MYO9A: variants seen among roughly 807,000 people sequenced by gnomAD.
MYO9A encodes myosin IXA.
In MYO9A, 103 loss-of-function variants were observed where a neutral mutation model predicts 293.3. The ratio of observed to expected loss-of-function variants is 0.35; its 90% CI spans 0.30 to 0.41. The LOEUF (loss-of-function observed/expected upper bound fraction) is 0.41. Among genes scored for constraint, MYO9A ranks in the 10% least tolerant of loss-of-function variants. The pLI, the probability that MYO9A is intolerant of heterozygous loss-of-function variation, is 1.00. For missense variants in MYO9A, 2,685 were observed against 3,033.0 expected (o/e 0.89, Z 2.69); for synonymous variants, 1,001 against 1,035.7 (o/e 0.97, Z 0.64).
intron 15 of MYO9A, among the ~76,000 whole-genome samples, chr15:71,944,707 T>C (rs1405557109): frequency 2.0e-5 from 3 of 152,184 alleles, no homozygotes; most frequent in Non-Finnish European, 4.4e-5. Context: ...CATTAATCCA[T>C]TGATCCTTAA....
intron 27 of MYO9A, among the ~76,000 whole-genome samples, chr15:71,884,022 T>A (rs781220583): frequency 2.0e-5 from 3 of 152,062 alleles, no homozygotes; most frequent in Non-Finnish European, 1.5e-5. Context: ...TTTTCTAAGA[T>A]GAAACAGCCA....
chr15:72,027,628 T>G, intron 4 of MYO9A, 103 bp downstream of exon 4: 1 of 865,412 alleles, frequency 1.2e-6, no homozygotes. Flanking sequence ...AAGCTATGCA[T>G]GACGTAAACT....
chr15:72,003,301 G>C (rs1489138819), intron 8 of MYO9A, among the ~76,000 whole-genome samples: 2 of 145,376 alleles, frequency 1.4e-5, no homozygotes, highest in African/African-American at 5.1e-5. Context: ...AAAAATAAAA[G>C]ACAAATCTCA....
chr15:71,867,201 A>C (rs1412299296), intron 32 of MYO9A, among the ~76,000 whole-genome samples: 1 of 152,190 alleles, frequency 6.6e-6, no homozygotes, highest in Non-Finnish European at 1.5e-5. Flanking sequence ...GTAGCCATTG[A>C]TAAGAGGCAA....
intron 4 of MYO9A, among the ~76,000 whole-genome samples, chr15:72,024,457 A>G (rs2077601871): frequency 6.6e-6 from 1 of 152,008 alleles, no homozygotes; most frequent in African/African-American, 2.4e-5. Context: ...ATTTTTGTAG[A>G]GATAAGGTTT....
rs771927864 is a variant in MYO9A, at chr15:71,826,715, A to ATTCT, written c.7508_7511dup (p.Asn2504LysfsTer42). 6.2e-7 allele frequency: 1 copy of ATTCT among 1,614,100 alleles called. No homozygotes were observed. Among genetic ancestry groups the ATTCT allele is most frequent in the East Asian group, 2.2e-5 (1 of 44,874 alleles). ...TGGTTTTCTGAGGTGAGTTTTTCAC[A>ATTCT]TTCTTTAATTTTTGTTTGCCCTTTT... On this transcript the variant is annotated frameshift_variant, in exon 42 of 42. Transcript: ENST00000356056. LOFTEE classifies it high-confidence loss of function.
At position 71,935,650 on chromosome 15, in the gene MYO9A, C is replaced by A. The variant is rs539207090; in HGVS notation, c.2379-166G>T. On this transcript the variant is annotated intron_variant, in intron 16 of 41. Transcript: ENST00000356056. ...TGACTGCCAATCAGTTGGGACTAAC[C>A]GTTGTCTCATTCAGAACAAATTCCT... Among the ~76,000 whole-genome samples, 144 of 152,174 alleles carry A rather than the reference C, an allele frequency of 9.5e-4. 1 individual carries two copies. Among genetic ancestry groups the A allele is most frequent in the Non-Finnish European group, 1.8e-3 (123 of 67,986 alleles).
At chr15:72,089,093 C>T (rs946145453) in intron 1 of MYO9A, among the ~76,000 whole-genome samples, 32 of 152,192 alleles carry the variant, frequency 2.1e-4, no homozygotes, top group Non-Finnish European at 4.4e-4. Flanking sequence ...TAAGTTAACA[C>T]TTCAAAATAC....
intron 18 of MYO9A, among the ~76,000 whole-genome samples, chr15:71,917,976 TA>T (rs202015237): frequency 8.8e-5 from 13 of 147,956 alleles, no homozygotes; most frequent in South Asian, 2.2e-4. Flanking sequence ...CATCTGTATG[TA>T]AAAAAAAAAC....
At chr15:71,954,472 G>A (rs117686172) in intron 14 of MYO9A, among the ~76,000 whole-genome samples, 2,344 of 152,286 alleles carry the variant, frequency 0.015, 31 homozygotes, top group South Asian at 0.028. Flanking sequence ...CAAAGTGCTG[G>A]GATTATAGGC....
At chr15:71,828,102 T>C in intron 40 of MYO9A, 76 bp from the exon 41 acceptor site, 1 of 1,503,174 alleles carries the variant, frequency 6.7e-7, no homozygotes, top group Non-Finnish European at 9.0e-7. Flanking sequence ...AGATCCTCCA[T>C]GGAAGTCAGG....
chr15:72,080,144 G>A (rs1220549632), intron 1 of MYO9A, among the ~76,000 whole-genome samples: 4 of 152,008 alleles, frequency 2.6e-5, no homozygotes, highest in Non-Finnish European at 2.9e-5. Context: ...TGTAGATGCT[G>A]ACAGCTTAAT....
chr15:72,007,781 A>C, intron 8 of MYO9A, 45 bp downstream of exon 8: 1 of 1,577,966 alleles, frequency 6.3e-7, no homozygotes, highest in Non-Finnish European at 8.6e-7. Flanking sequence ...AAAAAATAAA[A>C]AGTTACAAAG....
chr15:71,837,499 T>C (rs1432228733), intron 39 of MYO9A, among the ~76,000 whole-genome samples: 1 of 152,098 alleles, frequency 6.6e-6, no homozygotes. Flanking sequence ...CTCAAGGAGC[T>C]TGAAAATCTG....
At chr15:71,928,027 AATATATATATATAT>A (rs1191908867) in intron 18 of MYO9A, among the ~76,000 whole-genome samples, 339 of 10,754 alleles carry the variant, frequency 0.032, 18 homozygotes, top group Middle Eastern at 0.083. Context: ...ATACCTTTCT[AATATATATATATAT>A]ATATATATAT....
intron 2 of MYO9A, among the ~76,000 whole-genome samples, chr15:72,043,002 G>C (rs539603067): frequency 6.6e-6 from 1 of 151,934 alleles, no homozygotes; most frequent in East Asian, 1.9e-4. Context: ...CCTGGAGATC[G>C]AGGCTGCAGT....
chr15:72,104,013 T>C (rs749685606), intron 1 of MYO9A, among the ~76,000 whole-genome samples: 1 of 152,244 alleles, frequency 6.6e-6, no homozygotes, highest in African/African-American at 2.4e-5. Flanking sequence ...CCACAACTTA[T>C]GACGGTTCAA....
chr15:71,840,451 C>T (rs980949702), intron 39 of MYO9A, among the ~76,000 whole-genome samples: 1 of 151,998 alleles, frequency 6.6e-6, no homozygotes, highest in Admixed American at 6.6e-5. Context: ...AAGTGGAGCC[C>T]ATGGTAGTCA....
rs2306575 is a variant in MYO9A at position 71,880,542 on chromosome 15, G to C, written c.5415C>G (p.His1805Gln). ...GTTCTGGGCTCAAAGGAGGTGTTGG[G>C]TGATATGCAGCTAATTCTACAATTC... The part of the protein sequence containing the change: ...HQFPDELAAY[H>Q]PTPPLSPELP... Residue 1805 changes from histidine to glutamine, a missense_variant, in exon 29 of 42, where the codon CAC becomes CAG. Physicochemically the swap from His to Gln is conservative, Grantham distance 24. Coordinates refer to ENST00000356056, the MANE Select transcript of MYO9A (RefSeq NM_006901.4). 0.032 allele frequency: 51,579 copies of C among 1,613,570 alleles called. 1,841 individuals are homozygous for C. Among genetic ancestry groups the C allele is most frequent in the East Asian group, 0.21 (9,615 of 44,862 alleles).
Sources: gnomAD v4.1 joint callset for allele counts (sites outside exome capture counted in the v4.1 genomes callset) on GRCh38, gnomAD v4.1.1 for gene constraint, MANE v1.5 for transcripts, NCBI Gene and HGNC (gene_info 2026-07-23, HGNC 2026-07-21) for gene names.